The following RIN1 variants were observed in gnomAD, a reference collection of about 807,000 sequenced individuals.
RIN1 encodes ras inhibitor 1.
In RIN1, 52 loss-of-function variants were observed where a neutral mutation model predicts 64.9. The observed-to-expected ratio is 0.80, with a 90% CI of 0.64 to 1.01. The LOEUF is 1.01. Ranked by LOEUF, RIN1 falls within the 50% of genes least tolerant of loss-of-function variation. RIN1 has a pLI of 0.00. For missense variants in RIN1, 1,040 were observed against 1,064.5 expected, an observed-to-expected ratio of 0.98 and a Z score of 0.32; for synonymous variants, 486 against 483.6, an observed-to-expected ratio of 1.00 and a Z score of -0.06.
At chr11:66,332,886 G>A (rs962041892) in intron 9 of RIN1, 134 bp from the exon 10 acceptor site, 21 of 732,088 alleles carry the variant, frequency 2.9e-5, no homozygotes, top group Admixed American at 8.4e-5. Context: ...AGAACCAAGC[G>A]GCAAAAGCTC....
chr11:66,336,751 C>T, upstream of RIN1: 1 of 272,398 alleles, frequency 3.7e-6, no homozygotes, highest in Admixed American at 4.9e-5. Context: ...GCACCTTTGG[C>T]TCTGTGGTCA....
At chr11:66,334,304 G>C in intron 6 of RIN1, 80 bp from the exon 7 acceptor site, 1 of 1,298,480 alleles carries the variant, frequency 7.7e-7, no homozygotes, top group Non-Finnish European at 1.0e-6. Context: ...AGCAGGGGTA[G>C]AATCGGGGAG....
In RIN1 at chr11:66,332,488, T is replaced by C; in HGVS notation, c.2140A>G (p.Thr714Ala). The change falls in exon 10 of 10, where the codon ACA becomes GCA. Residue 714 changes from threonine to alanine, a missense_variant. Physicochemically the swap from Thr to Ala is moderately conservative, Grantham distance 58. Coordinates refer to ENST00000311320, the MANE Select transcript of RIN1 (RefSeq NM_004292.3). ...AEWPETQGAV[T>A]EEEGSGQSEA... ...GACTGCCCACTGCCCTCCTCCTCTG[T>C]CACAGCCCCCTGGGTCTCAGGCCAC... 3 of 1,614,136 alleles carry C rather than the reference T, an allele frequency of 1.9e-6. No individual in the cohort carries two copies. Among genetic ancestry groups the C allele is most frequent in the Non-Finnish European group, 2.5e-6 (3 of 1,180,006 alleles).
In RIN1 at chr11:66,335,796, G is replaced by T; in HGVS notation, c.348C>A (p.Phe116Leu). 1 of 1,610,940 alleles carries T rather than the reference G, an allele frequency of 6.2e-7. No individual in the cohort carries two copies. The highest frequency in any genetic ancestry group is 8.5e-7 in the Non-Finnish European group (1 of 1,177,878). ...TCTCCAGGATGTAGTGGCTGGAGAC[G>T]AAGGAGGGGCCACTGGCTTCAGGCA... ...MRLPEASGPS[F>L]VSSHYILESP... The change falls in exon 3 of 10, where the codon TTC becomes TTA. Residue 116 changes from phenylalanine (F) to leucine (L), a missense_variant. Phe to Leu is a conservative substitution (Grantham distance 22, BLOSUM62 0). Transcript: ENST00000311320.
In RIN1 at chr11:66,334,386, C is replaced by G. The variant is rs2134941650; in HGVS notation, c.1285+128G>C. Reference sequence around the variant, plus strand: ...GTTGGGGGAGAGAGGGGATGGAACTCTCTCGAACAGTGGTAAGACAAGATG... The same window carrying G: ...GTTGGGGGAGAGAGGGGATGGAACTGTCTCGAACAGTGGTAAGACAAGATG... On this transcript the variant is annotated intron_variant, in intron 6 of 9. Coordinates refer to ENST00000311320, the MANE Select transcript of RIN1 (RefSeq NM_004292.3). The G allele has an allele frequency of 4.4e-6, 6 of 1,360,692 alleles. No individual in the cohort carries two copies. The South Asian group carries it at 7.8e-5, about 18-fold the overall frequency. The allele number at this position is 1,360,692 out of a possible 1,614,324, so 84.3% of individuals were successfully genotyped here. A position where few individuals can be genotyped will look rare whatever the true frequency, so the allele number is the denominator to read the frequency against.
chr11:66,333,314 G>A lies in RIN1; in HGVS notation c.1819C>T (p.Arg607Trp), dbSNP rs2134937870. The part of the protein sequence containing the change: ...TLPLSPVQEL[R>W]RSLSLWEQRR... The stretch of plus-strand genomic sequence containing the variant: ...TGCTCCCAGAGGCTGAGGGAGCGCC[G>A]TAGCTCCTGCACGGGGCTCAGTGGG... Residue 607 changes from arginine to tryptophan, a missense_variant, in exon 9 of 10, where the codon CGG (arginine) becomes TGG (tryptophan). Physicochemically the swap from Arg to Trp is moderately radical, Grantham distance 101. Coordinates refer to ENST00000311320, the MANE Select transcript of RIN1 (RefSeq NM_004292.3). 19 of 1,612,938 alleles carry A rather than the reference G, an allele frequency of 1.2e-5. No homozygotes were observed. Among genetic ancestry groups the A allele is most frequent in the Non-Finnish European group, 1.4e-5 (17 of 1,180,006 alleles).
Position 66,332,377 on chromosome 11 carries a change from G to A in RIN1, c.2251C>T (p.Gln751Ter). 2.5e-6 allele frequency: 4 copies of A among 1,614,158 alleles called. No individual in the cohort carries two copies. Among genetic ancestry groups the A allele is most frequent in the African/African-American group, 1.3e-5 (1 of 75,060 alleles). The change falls in exon 10 of 10, where the codon CAG becomes TAG. Residue 751 changes from glutamine (Q) to a stop codon, truncating the protein, a stop_gained. Coordinates refer to ENST00000311320, the MANE Select transcript of RIN1 (RefSeq NM_004292.3). LOFTEE classifies it high-confidence loss of function. ...CCCCCTTCAGCAGTTGTCTCAGACTGTTCCCGAATGTCCCTGGGGCTGGCT... is the reference window on the plus strand; with the variant it reads ...CCCCCTTCAGCAGTTGTCTCAGACTATTCCCGAATGTCCCTGGGGCTGGCT... ...VKASPRDIREQSETTAEGGQG... is the reference protein window; with the variant it reads ...VKASPRDIRE
chr11:66,336,172 C>T lies in RIN1; in HGVS notation c.87-14G>A. On this transcript the variant is annotated splice_polypyrimidine_tract_variant and intron_variant, in intron 1 of 9. Transcript: ENST00000311320. Reference sequence around the variant, plus strand: ...TCCTGGGCTGGCCTGGGGGCAGGCACCCAGATCTGAGCAGGGAGCCAGGGG... The same window carrying T: ...TCCTGGGCTGGCCTGGGGGCAGGCATCCAGATCTGAGCAGGGAGCCAGGGG... 6.8e-7 allele frequency: 1 copy of T among 1,460,728 alleles called. No homozygotes were observed. Among genetic ancestry groups the T allele is most frequent in the Non-Finnish European group, 9.1e-7 (1 of 1,104,692 alleles). The allele number at this position is 1,460,728 out of a possible 1,614,324, so 90.5% of individuals were successfully genotyped here.
rs1854809454 is a variant in RIN1 at position 66,334,103 on chromosome 11, G to A, written c.1407C>T (p.Leu469=). 1 of 1,557,572 alleles carries A rather than the reference G, an allele frequency of 6.4e-7. No individual in the cohort carries two copies. The highest frequency in any genetic ancestry group is 1.4e-5 in the African/African-American group (1 of 73,846). ...DGSLGRLAEG[L]RLARAQGPGA... is the part of the protein sequence containing the mutation. ...CGGGGCCCTGGGCCCGGGCCAGGCG[G>A]AGGCCCTCAGCTAGGCGGCCCAGGG... The change falls in exon 7 of 10, where the codon CTC becomes CTT. Residue 469 remains leucine (L), a synonymous_variant. Transcript: ENST00000311320.
chr11:66,336,515 C>T, upstream of RIN1: 1 of 895,508 alleles, frequency 1.1e-6, no homozygotes. Flanking sequence ...CGCCAGTTAA[C>T]TCTTGTGTGT....
chr11:66,334,001 G>A lies in RIN1; in HGVS notation c.1509C>T (p.Leu503=), dbSNP rs560405884. 1.3e-4 allele frequency: 199 copies of A among 1,566,060 alleles called. 1 individual carries two copies. In the South Asian group the frequency reaches 2.1e-3, roughly 17 times the overall value. Residue 503 remains leucine, a synonymous_variant, in exon 7 of 10, where the codon CTC becomes CTT. Coordinates refer to ENST00000311320, the MANE Select transcript of RIN1 (RefSeq NM_004292.3). ...CCTGGGCGCTGGGTGAGTAGGTGCG[G>A]AGCAGCTGCAGCAGCTTCTGGCGCA... ...EQVRQKLLQL[L]RTYSPSAQVK... is the part of the protein sequence containing the mutation.
Position 66,335,016 on chromosome 11 carries a change from G to A in RIN1, c.783C>T (p.Ala261=), listed in dbSNP as rs144796211. ...TETSSPLSPP[A]VPPPPVPVLP... is the part of the protein sequence containing the mutation. Reference sequence around the variant, plus strand: ...GCACGGGGACGGGGGGAGGTGGCACGGCAGGTGGAGACAGGGGGCTGGAGG... The same window carrying A: ...GCACGGGGACGGGGGGAGGTGGCACAGCAGGTGGAGACAGGGGGCTGGAGG... The change falls in exon 6 of 10, where the codon GCC becomes GCT. Residue 261 remains alanine, a synonymous_variant. Transcript: ENST00000311320. The A allele has an allele frequency of 2.3e-5, 35 of 1,539,150 alleles. No individual in the cohort carries two copies. The highest frequency in any genetic ancestry group is 1.7e-4 in the African/African-American group (12 of 72,392).
chr11:66,335,337 T>G (rs1590921292), intron 5 of RIN1, 70 bp downstream of exon 5: 2 of 1,555,744 alleles, frequency 1.3e-6, no homozygotes, highest in African/African-American at 2.7e-5. Context: ...TCGGGCGGTG[T>G]GCTGCGAGCC....
rs1854834074 is a variant in RIN1 at position 66,334,762 on chromosome 11, A to G, written c.1037T>C (p.Leu346Pro). 6.5e-7 allele frequency: 1 copy of G among 1,549,396 alleles called. No homozygotes were observed. The highest frequency in any genetic ancestry group is 8.7e-7 in the Non-Finnish European group (1 of 1,147,292). Residue 346 changes from leucine to proline, a missense_variant, in exon 6 of 10, where the codon CTG (leucine) becomes CCG (proline). Transcript: ENST00000311320. ...TSPHLGRRRPLLRSMSAAFCS... is the reference protein window; with the variant it reads ...TSPHLGRRRPPLRSMSAAFCS... Reference sequence around the variant, plus strand: ...GAAGGCGGCGCTCATGGACCGAAGCAGAGGTCGTCGGCGGCCCAGGTGGGG... The same window carrying G: ...GAAGGCGGCGCTCATGGACCGAAGCGGAGGTCGTCGGCGGCCCAGGTGGGG...
At position 66,334,876 on chromosome 11, in the gene RIN1, A is replaced by T. The variant is rs1253083016; in HGVS notation, c.923T>A (p.Met308Lys). Residue 308 changes from methionine (M) to lysine (K), a missense_variant, in exon 6 of 10, where the codon ATG becomes AAG. Physicochemically the swap from Met to Lys is moderately conservative, Grantham distance 95. Transcript: ENST00000311320. ...PAGSGPSLPP[M>K]PSLQEVDCGS... ...GCAGTCCACCTCTTGGAGGGAGGGC[A>T]TAGGCGGAAGGCTAGGGCCACTGCC... The T allele has an allele frequency of 6.4e-7, 1 of 1,568,116 alleles. No individual in the cohort carries two copies. Among genetic ancestry groups the T allele is most frequent in the Non-Finnish European group, 8.7e-7 (1 of 1,155,850 alleles).
rs780314254 is a variant in RIN1 at position 66,335,964 on chromosome 11, G to A, written c.267+14C>T. The A allele has an allele frequency of 4.7e-5, 70 of 1,480,714 alleles. No individual in the cohort carries two copies. Among genetic ancestry groups the A allele is most frequent in the Non-Finnish European group, 6.0e-5 (67 of 1,115,122 alleles). 91.7% of individuals were successfully genotyped at this position (1,480,714 alleles called of 1,614,324 possible). On this transcript the variant is annotated intron_variant, in intron 2 of 9. Transcript: ENST00000311320. ...CCTGGCTGGCCAGTCCCTGGAGTGTGGGGCAAGACTCACCCCCGGGGGCTC... is the reference window on the plus strand; with the variant it reads ...CCTGGCTGGCCAGTCCCTGGAGTGTAGGGCAAGACTCACCCCCGGGGGCTC...
At position 66,335,409 on chromosome 11, in the gene RIN1, A is replaced by G. The variant is rs1276789447; in HGVS notation, c.545T>C (p.Ile182Thr). 2 of 1,608,628 alleles carry G rather than the reference A, an allele frequency of 1.2e-6. No individual in the cohort carries two copies. The highest frequency in any genetic ancestry group is 2.2e-5 in the East Asian group (1 of 44,756). ...AATGGGTGGCAGGAAGCCCTTACCA[A>G]TGCCCAGATGGGAGATGGCCTCCAG... is the stretch of plus-strand genomic sequence containing the variant. The part of the protein sequence containing the change: ...KELEAISHLG[I>T]EFWSSSLNIK... Residue 182 changes from isoleucine to threonine, a missense_variant and splice_region_variant, in exon 5 of 10, where the codon ATT (isoleucine) becomes ACT (threonine). Ile to Thr is a moderately conservative substitution (Grantham distance 89). Coordinates refer to ENST00000311320, the MANE Select transcript of RIN1 (RefSeq NM_004292.3).
Position 66,331,947 on chromosome 11 carries a change from C to A in RIN1, c.*329G>T, listed in dbSNP as rs569787415. 7.7e-6 allele frequency: 3 copies of A among 389,938 alleles called. No individual in the cohort carries two copies. The highest frequency in any genetic ancestry group is 1.4e-5 in the Non-Finnish European group (3 of 211,520). The allele number at this position is 389,938 out of a possible 1,614,324, so 24.2% of individuals were successfully genotyped here. On this transcript the variant is annotated 3_prime_UTR_variant, in exon 10 of 10. Coordinates refer to ENST00000311320, the MANE Select transcript of RIN1 (RefSeq NM_004292.3). ...AGGGGAAGGGTAAAAGGAGCTGAGA[C>A]CGTCACCCTCCCCACGTCAGAGGTT... is the stretch of plus-strand genomic sequence containing the variant.
chr11:66,334,777 C>T lies in RIN1; in HGVS notation c.1022G>A (p.Gly341Asp), dbSNP rs1490897058. The T allele has an allele frequency of 6.5e-7, 1 of 1,548,794 alleles. No homozygotes were observed. The highest frequency in any genetic ancestry group is 2.4e-5 in the East Asian group (1 of 40,992). ...RGSPATSPHLGRRRPLLRSMS... is the reference protein window; with the variant it reads ...RGSPATSPHLDRRRPLLRSMS... ...GGACCGAAGCAGAGGTCGTCGGCGGCCCAGGTGGGGTGAGGTCGCTGGGCT... is the reference window on the plus strand; with the variant it reads ...GGACCGAAGCAGAGGTCGTCGGCGGTCCAGGTGGGGTGAGGTCGCTGGGCT... Residue 341 changes from glycine to aspartate, a missense_variant, in exon 6 of 10, where the codon GGC becomes GAC. Physicochemically the swap from Gly to Asp is moderately conservative, Grantham distance 94. Coordinates refer to ENST00000311320, the MANE Select transcript of RIN1 (RefSeq NM_004292.3).
Sources: gnomAD v4.1 joint callset for allele counts on GRCh38, gnomAD v4.1.1 for gene constraint, MANE v1.5 for transcripts, NCBI Gene and HGNC (gene_info 2026-07-23, HGNC 2026-07-21) for gene names.